ARMC9: variants seen among roughly 807,000 people sequenced by gnomAD.
ARMC9 encodes armadillo repeat containing 9, also known as lisH domain-containing protein ARMC9.
In ARMC9, 94 loss-of-function variants were observed where a neutral mutation model predicts 107.0. That is an observed-to-expected ratio of 0.88 (90% CI 0.74 to 1.04). ARMC9 has a LOEUF of 1.04. ARMC9 is among the 50% of genes least tolerant of loss of function. The pLI, the probability that ARMC9 is intolerant of heterozygous loss-of-function variation, is 0.00. For missense variants in ARMC9, 942 were observed against 1,030.1 expected, an observed-to-expected ratio of 0.91 and a Z score of 1.17; for synonymous variants, 380 against 396.9, an observed-to-expected ratio of 0.96 and a Z score of 0.51.
intron 19 of ARMC9, among the ~76,000 whole-genome samples, chr2:231,324,503 G>A (rs190274463): frequency 6.7e-6 from 1 of 149,688 alleles, no homozygotes; most frequent in African/African-American, 2.5e-5. Context: ...TGTAATCCCA[G>A]CACTTCGGGA....
chr2:231,304,677 G>A (rs945071083), intron 19 of ARMC9, among the ~76,000 whole-genome samples: 2 of 152,204 alleles, frequency 1.3e-5, no homozygotes, highest in African/African-American at 4.8e-5. Flanking sequence ...GATTACAGGT[G>A]TGAGCCACTG....
intron 9 of ARMC9, among the ~76,000 whole-genome samples, chr2:231,251,147 T>C (rs2037259704): frequency 6.6e-6 from 1 of 151,844 alleles, no homozygotes; most frequent in African/African-American, 2.4e-5. Flanking sequence ...AGAGGCCACT[T>C]TTTTCTTTTC....
At chr2:231,369,815 A>G (rs1291207335) in intron 23 of ARMC9, 138 bp from the exon 24 acceptor site, 5 of 967,144 alleles carry the variant, frequency 5.2e-6, no homozygotes, top group African/African-American at 5.1e-5. Context: ...GCTGGTCTCT[A>G]ACTCCTGACT....
intron 21 of ARMC9, among the ~76,000 whole-genome samples, chr2:231,351,017 G>T (rs2045052494): frequency 8.2e-6 from 1 of 121,324 alleles, no homozygotes; most frequent in Non-Finnish European, 1.6e-5. Flanking sequence ...GGAGTGCAGT[G>T]GCACGATCTC....
At chr2:231,253,997 C>CA (rs2037530615) in intron 9 of ARMC9, among the ~76,000 whole-genome samples, 1 of 152,054 alleles carries the variant, frequency 6.6e-6, no homozygotes, top group Non-Finnish European at 1.5e-5. Flanking sequence ...GCAAGACTTA[C>CA]TGATGGAAGC....
intron 14 of ARMC9, among the ~76,000 whole-genome samples, chr2:231,275,211 A>G (rs2039655908): frequency 6.6e-6 from 1 of 152,220 alleles, no homozygotes; most frequent in African/African-American, 2.4e-5. Context: ...CTGTATTCTA[A>G]TAAGCCACCC....
intron 19 of ARMC9, among the ~76,000 whole-genome samples, chr2:231,298,166 A>G (rs957371701): frequency 3.3e-5 from 5 of 152,214 alleles, no homozygotes; most frequent in African/African-American, 1.2e-4. Context: ...GAAGATTTCT[A>G]GAAGAGGTTT....
chr2:231,311,568 G>C (rs927986208), intron 19 of ARMC9, among the ~76,000 whole-genome samples: 1 of 152,014 alleles, frequency 6.6e-6, no homozygotes, highest in Non-Finnish European at 1.5e-5. Context: ...TCAGGAGTTC[G>C]AGACCAGCCT....
At chr2:231,201,870 C>T (rs2031038904) in intron 1 of ARMC9, among the ~76,000 whole-genome samples, 1 of 152,232 alleles carries the variant, frequency 6.6e-6, no homozygotes, top group South Asian at 2.1e-4. Flanking sequence ...CTTAAATGGA[C>T]TATAATACCA....
chr2:231,301,299 G>A (rs2041711098), intron 19 of ARMC9, among the ~76,000 whole-genome samples: 1 of 152,154 alleles, frequency 6.6e-6, no homozygotes, highest in Non-Finnish European at 1.5e-5. Flanking sequence ...CAATGCTGTA[G>A]TAAAATCTTT....
At chr2:231,223,676 A>T (rs17586666) in intron 6 of ARMC9, among the ~76,000 whole-genome samples, 1 of 152,122 alleles carries the variant, frequency 6.6e-6, no homozygotes, top group African/African-American at 2.4e-5. Flanking sequence ...GACCTAATTG[A>T]GGTTTTATTT....
intron 6 of ARMC9, among the ~76,000 whole-genome samples, chr2:231,223,103 A>G (rs1442168174): frequency 6.6e-6 from 1 of 152,222 alleles, no homozygotes; most frequent in East Asian, 1.9e-4. Flanking sequence ...CTTGTAAAAG[A>G]ATTCCTTGGG....
chr2:231,239,928 GTA>G lies in ARMC9; in HGVS notation c.781-13_781-12del, dbSNP rs1386760277. 2.5e-6 allele frequency: 4 copies of G among 1,608,552 alleles called. No homozygotes were observed. Among genetic ancestry groups the G allele is most frequent in the Non-Finnish European group, 3.4e-6 (4 of 1,175,394 alleles). On this transcript the variant is annotated splice_polypyrimidine_tract_variant and intron_variant, in intron 8 of 24. Coordinates refer to ENST00000611582, the MANE Select transcript of ARMC9 (RefSeq NM_001352754.2). ...TTTCATGCCATCACCAGATGTCTTT[GTA>G]TCCTCCTTGCAGATCACCCCTGAGT...
Position 231,225,102 on chromosome 2 carries a change from C to T in ARMC9, c.598-1672C>T, listed in dbSNP as rs111821943. ...TTTTACTTCCTGATTATAAAATCAA[C>T]TATATTCCTTATAGAAAATTTGGAA... On this transcript the variant is annotated intron_variant, in intron 6 of 24. Transcript: ENST00000611582. 6.0e-4 allele frequency among the ~76,000 whole-genome samples: 91 copies of T among 152,294 alleles called. 1 individual carries two copies. The highest frequency in any genetic ancestry group is 2.0e-3 in the African/African-American group (85 of 41,560).
At chr2:231,371,210 T>C (rs973335046) in intron 24 of ARMC9, among the ~76,000 whole-genome samples, 2 of 152,210 alleles carry the variant, frequency 1.3e-5, no homozygotes, top group Non-Finnish European at 2.9e-5. Context: ...GCCCCACATC[T>C]AGCAGCATAG....
At chr2:231,291,052 T>TA (rs533159863) in intron 17 of ARMC9, among the ~76,000 whole-genome samples, 18 of 152,064 alleles carry the variant, frequency 1.2e-4, no homozygotes, top group Non-Finnish European at 2.4e-4. Context: ...AATGAATGTT[T>TA]AGTATAAGCC....
At chr2:231,277,830 T>C (rs1004410587) in intron 15 of ARMC9, among the ~76,000 whole-genome samples, 1 of 152,200 alleles carries the variant, frequency 6.6e-6, no homozygotes, top group Non-Finnish European at 1.5e-5. Context: ...CCCAAAGTGC[T>C]GGGATTACAG....
intron 16 of ARMC9, among the ~76,000 whole-genome samples, chr2:231,280,524 T>C (rs1001065081): frequency 3.3e-5 from 5 of 152,066 alleles, no homozygotes; most frequent in East Asian, 1.9e-4. Context: ...TATATACATA[T>C]ATACATACAT....
chr2:231,361,007 G>C, intron 23 of ARMC9, 124 bp downstream of exon 23: 1 of 1,377,906 alleles, frequency 7.3e-7, no homozygotes, highest in Non-Finnish European at 9.5e-7. Flanking sequence ...TCTGACAGGG[G>C]AGGCTAAGGA....
Sources: allele counts gnomAD v4.1 joint callset (sites outside exome capture counted in the v4.1 genomes callset), GRCh38; gene constraint gnomAD v4.1.1; transcripts MANE v1.5; gene names NCBI Gene and HGNC (gene_info 2026-07-23, HGNC 2026-07-21).